CTDSPL: variants seen among roughly 807,000 people sequenced by gnomAD.
The protein encoded by CTDSPL is CTD small phosphatase like, also known as CTD small phosphatase-like protein.
A neutral mutation model predicts 30.5 loss-of-function variants in CTDSPL; 8 were observed. The ratio of observed to expected loss-of-function variants is 0.26; its 90% CI spans 0.15 to 0.47. CTDSPL has a LOEUF of 0.47. Among genes scored for constraint, CTDSPL ranks in the 20% least tolerant of loss-of-function variants. The pLI, the probability that CTDSPL is intolerant of heterozygous loss-of-function variation, is 0.99. For missense variants in CTDSPL, 248 were observed against 366.1 expected (o/e 0.68, Z 2.63); for synonymous variants, 110 against 137.9 (o/e 0.80, Z 1.42).
rs779563242 is a variant in CTDSPL at position 37,947,128 on chromosome 3, C to T, written c.151C>T (p.Arg51Cys). The T allele has an allele frequency of 5.0e-6, 8 of 1,613,490 alleles. No individual in the cohort carries two copies. The highest frequency in any genetic ancestry group is 3.3e-5 in the South Asian group (3 of 91,042). The change falls in exon 2 of 8, where the codon CGT (arginine) becomes TGT (cysteine). Residue 51 changes from arginine (R) to cysteine (C), a missense_variant. Around this residue, in one of 4 missense-constraint regions of CTDSPL, gnomAD observed 118 missense variants for 124.7 expected, o/e 0.95. Coordinates refer to ENST00000273179, the MANE Select transcript of CTDSPL (RefSeq NM_001008392.2). Reference protein sequence around the residue: ...SILSSFFCCFRDYNVEAPPPS... With the variant: ...SILSSFFCCFCDYNVEAPPPS... ...CCTTAGCTCCTTCTTCTGCTGCTTC[C>T]GTGATTACAATGTGGAGGCCCCTCC...
intron 1 of CTDSPL, among the ~76,000 whole-genome samples, chr3:37,877,142 T>A: frequency 6.6e-6 from 1 of 152,144 alleles, no homozygotes; most frequent in East Asian, 1.9e-4. Context: ...CTTAACTACT[T>A]TTAAGTATAC....
intron 3 of CTDSPL, among the ~76,000 whole-genome samples, chr3:37,959,842 T>G (rs900780810): frequency 6.6e-6 from 1 of 152,224 alleles, no homozygotes; most frequent in South Asian, 2.1e-4. Context: ...GAATTATCTA[T>G]GAGAGTGCCT....
intron 1 of CTDSPL, among the ~76,000 whole-genome samples, chr3:37,863,056 G>A (rs1359950682): frequency 6.6e-6 from 1 of 152,220 alleles, no homozygotes; most frequent in Non-Finnish European, 1.5e-5. Flanking sequence ...GGTGTGTTTA[G>A]TTGGTTGTGC....
intron 1 of CTDSPL, among the ~76,000 whole-genome samples, chr3:37,871,866 G>A (rs1442610835): frequency 1.3e-5 from 2 of 152,110 alleles, no homozygotes; most frequent in African/African-American, 2.4e-5. Flanking sequence ...CTTCAAATTT[G>A]TTGGGTTTTT....
At chr3:37,949,072 A>G (rs202036651) in intron 2 of CTDSPL, among the ~76,000 whole-genome samples, 19 of 152,056 alleles carry the variant, frequency 1.2e-4, no homozygotes, top group Middle Eastern at 3.4e-3. Context: ...CACCCGCCTC[A>G]GCCTCCCAAA....
In CTDSPL at chr3:37,873,652, C is replaced by G. The variant is rs540326498; in HGVS notation, c.79+11374C>G. Among the ~76,000 whole-genome samples the G allele has an allele frequency of 2.6e-4, 40 of 152,252 alleles. No homozygotes were observed. In the Middle Eastern group the frequency reaches 0.014, roughly 52 times the overall value. Reference sequence around the variant, plus strand: ...AGGCAGAAGTCCCCTGATTTTTAGACCTACCCAAATTAAGTATTTTAAGGA... The same window carrying G: ...AGGCAGAAGTCCCCTGATTTTTAGAGCTACCCAAATTAAGTATTTTAAGGA... On this transcript the variant is annotated intron_variant, in intron 1 of 7. Coordinates refer to ENST00000273179, the MANE Select transcript of CTDSPL (RefSeq NM_001008392.2).
chr3:37,970,639 G>A (rs1699356417), intron 5 of CTDSPL, among the ~76,000 whole-genome samples: 1 of 152,126 alleles, frequency 6.6e-6, no homozygotes, highest in African/African-American at 2.4e-5. Context: ...AAGAACCTAT[G>A]TATGGTCTGA....
rs1325981524 is a variant in CTDSPL at position 37,979,112 on chromosome 3, A to C, written c.706-1630A>C. 2.0e-5 allele frequency among the ~76,000 whole-genome samples: 3 copies of C among 152,132 alleles called. No homozygotes were observed. In the South Asian group the frequency reaches 6.2e-4, roughly 31 times the overall value. ...TTATGGCTAATAATAAGACAACTCT[A>C]TGCAGTTTAGGAATTTTTAGAGAGA... is the stretch of plus-strand genomic sequence containing the variant. On this transcript the variant is annotated intron_variant, in intron 7 of 7. Transcript: ENST00000273179.
chr3:37,981,452 C>T lies in CTDSPL; in HGVS notation c.*585C>T. The stretch of plus-strand genomic sequence containing the variant: ...GGGGAGTGAGTCACAGGAGCCTGTC[C>T]CCCAACAGGTGTGACTGCTCTGACA... On this transcript the variant is annotated 3_prime_UTR_variant, in exon 8 of 8. Coordinates refer to ENST00000273179, the MANE Select transcript of CTDSPL (RefSeq NM_001008392.2). 1 of 183,520 alleles carries T rather than the reference C, an allele frequency of 5.4e-6. No homozygotes were observed. The highest frequency in any genetic ancestry group is 1.2e-5 in the Non-Finnish European group (1 of 85,714). The allele number at this position is 183,520 out of a possible 1,614,324, so 11.4% of individuals were successfully genotyped here.
chr3:37,972,022 G>C (rs1318863452), intron 6 of CTDSPL, among the ~76,000 whole-genome samples: 2 of 152,156 alleles, frequency 1.3e-5, no homozygotes, highest in Non-Finnish European at 2.9e-5. Context: ...ATAAATTGGG[G>C]ATAATTCCAG....
At chr3:37,925,661 C>T (rs534246372) in intron 1 of CTDSPL, among the ~76,000 whole-genome samples, 12 of 152,288 alleles carry the variant, frequency 7.9e-5, no homozygotes, top group Admixed American at 2.0e-4. Context: ...AACAAAGGGG[C>T]TCACAAAGTA....
chr3:37,882,898 C>A (rs1698223550), intron 1 of CTDSPL, among the ~76,000 whole-genome samples: 1 of 152,188 alleles, frequency 6.6e-6, no homozygotes, highest in Admixed American at 6.5e-5. Context: ...TAATATGTTT[C>A]TCTAAGGTGA....
chr3:37,960,497 AAAAAAAAAAT>A (rs1163164158), intron 3 of CTDSPL, among the ~76,000 whole-genome samples: 5 of 66,908 alleles, frequency 7.5e-5, no homozygotes, highest in African/African-American at 2.1e-4. Context: ...AAAAAAAAAA[AAAAAAAAAAT>A]ATATATATAT....
At chr3:37,907,793 C>G (rs1391794953) in intron 1 of CTDSPL, among the ~76,000 whole-genome samples, 1 of 152,154 alleles carries the variant, frequency 6.6e-6, no homozygotes. Context: ...CCTGTAAACA[C>G]AAAGATATAC....
chr3:37,911,743 C>T (rs543674751), intron 1 of CTDSPL: 6 of 456,366 alleles, frequency 1.3e-5, no homozygotes, highest in Admixed American at 9.4e-5. Context: ...ACCTGGGTGG[C>T]AGGTGTAACC....
At chr3:37,890,186 A>G (rs1172057555) in intron 1 of CTDSPL, among the ~76,000 whole-genome samples, 1 of 152,224 alleles carries the variant, frequency 6.6e-6, no homozygotes, top group Non-Finnish European at 1.5e-5. Context: ...TGCACACTCA[A>G]CGTATGCGCG....
chr3:37,913,590 G>T (rs1698608145), intron 1 of CTDSPL, among the ~76,000 whole-genome samples: 1 of 152,200 alleles, frequency 6.6e-6, no homozygotes. Context: ...GGGGAGACCT[G>T]CAGTCTGGAA....
intron 1 of CTDSPL, among the ~76,000 whole-genome samples, chr3:37,894,416 T>C (rs1333271622): frequency 6.6e-6 from 1 of 152,158 alleles, no homozygotes; most frequent in African/African-American, 2.4e-5. Context: ...CAAGTTTTTT[T>C]TTCCAAATGC....
At chr3:37,863,240 T>A (rs929612034) in intron 1 of CTDSPL, among the ~76,000 whole-genome samples, 2 of 152,230 alleles carry the variant, frequency 1.3e-5, no homozygotes, top group African/African-American at 4.8e-5. Context: ...TCCCTTATAG[T>A]GCCAGGAGTG....
Sources: gnomAD v4.1 joint callset for allele counts (sites outside exome capture counted in the v4.1 genomes callset) on GRCh38, gnomAD v4.1.1 for gene constraint, gnomAD v4.1.1 regional missense constraint, MANE v1.5 for transcripts, NCBI Gene and HGNC (gene_info 2026-07-23, HGNC 2026-07-21) for gene names.